The following TNNI3K variants were observed in gnomAD, a reference collection of about 807,000 sequenced individuals.
The protein encoded by TNNI3K is serine/threonine-protein kinase TNNI3K.
In TNNI3K, 140 loss-of-function variants were observed where a neutral mutation model predicts 114.5. That is an observed-to-expected ratio of 1.22 (90% CI 1.07 to 1.41). The LOEUF (loss-of-function observed/expected upper bound fraction) is 1.41, where lower values mean the gene tolerates loss of function less well. TNNI3K is among the 40% of genes most tolerant of loss of function. The pLI is 0.00. For missense variants in TNNI3K, 1,125 were observed against 1,007.6 expected (o/e 1.12, Z -1.58); for synonymous variants, 347 against 347.5 (o/e 1.00, Z 0.02).
At chr1:74,242,104 C>A (rs1025977950) in intron 2 of TNNI3K, among the ~76,000 whole-genome samples, 1 of 152,072 alleles carries the variant, frequency 6.6e-6, no homozygotes. Context: ...CCACCTTGGC[C>A]TCCCAAAGTG....
intron 5 of TNNI3K, among the ~76,000 whole-genome samples, chr1:74,315,083 C>T (rs1035413806): frequency 6.6e-6 from 1 of 152,080 alleles, no homozygotes; most frequent in Non-Finnish European, 1.5e-5. Flanking sequence ...CTCTTTGTTA[C>T]GTGAATGCTG....
At chr1:74,405,937 A>T (rs1013632003) in intron 17 of TNNI3K, among the ~76,000 whole-genome samples, 1 of 152,206 alleles carries the variant, frequency 6.6e-6, no homozygotes, top group African/African-American at 2.4e-5. Context: ...TTGCTGGTAT[A>T]ACAAATAACC....
At chr1:74,472,418 G>A (rs931786127) in intron 21 of TNNI3K, among the ~76,000 whole-genome samples, 1 of 152,098 alleles carries the variant, frequency 6.6e-6, no homozygotes, top group Non-Finnish European at 1.5e-5. Context: ...AGTCAGTTGC[G>A]ATGCTGACTT....
chr1:74,288,876 C>T (rs1420840848), intron 5 of TNNI3K, among the ~76,000 whole-genome samples: 2 of 151,766 alleles, frequency 1.3e-5, no homozygotes, highest in African/African-American at 4.8e-5. Flanking sequence ...TCATGTTGCA[C>T]AAAATAAATA....
chr1:74,407,132 T>C (rs1229173519), intron 17 of TNNI3K, among the ~76,000 whole-genome samples: 5 of 152,206 alleles, frequency 3.3e-5, no homozygotes, highest in Admixed American at 2.6e-4. Context: ...GTACAATCAG[T>C]GAAGATTATT....
chr1:74,543,812 T>A (rs1365491308), intron 24 of TNNI3K, 94 bp from the exon 25 acceptor site: 1 of 1,412,692 alleles, frequency 7.1e-7, no homozygotes, highest in African/African-American at 1.4e-5. Context: ...GTTCACATGA[T>A]CTGGAAGACC....
intron 23 of TNNI3K, among the ~76,000 whole-genome samples, chr1:74,505,087 C>G (rs1669825628): frequency 6.6e-6 from 1 of 152,154 alleles, no homozygotes; most frequent in African/African-American, 2.4e-5. Flanking sequence ...GAGAAACCCT[C>G]TCCATTCATA....
intron 17 of TNNI3K, among the ~76,000 whole-genome samples, chr1:74,407,236 C>T (rs1395846957): frequency 2.6e-5 from 4 of 152,084 alleles, no homozygotes; most frequent in Admixed American, 6.6e-5. Flanking sequence ...GGAAGTCTAC[C>T]AGGGGCTTCT....
chr1:74,541,293 C>G (rs1419219339), intron 24 of TNNI3K, among the ~76,000 whole-genome samples: 3 of 152,036 alleles, frequency 2.0e-5, no homozygotes, highest in African/African-American at 4.8e-5. Flanking sequence ...TTTTAAGAAA[C>G]AAAGAAAAAT....
chr1:74,532,454 A>C (rs966224483), intron 23 of TNNI3K, among the ~76,000 whole-genome samples: 1 of 109,660 alleles, frequency 9.1e-6, no homozygotes, highest in African/African-American at 4.3e-5. Context: ...TGCTATTATT[A>C]TTTTTTTCTT....
intron 21 of TNNI3K, chr1:74,464,636 C>A (rs1254824376): frequency 6.3e-7 from 1 of 1,579,194 alleles, no homozygotes; most frequent in Non-Finnish European, 8.6e-7. Context: ...TTCCTAAAGG[C>A]AAAATCCAGA....
intron 17 of TNNI3K, among the ~76,000 whole-genome samples, chr1:74,414,670 T>C (rs1458626008): frequency 6.6e-6 from 1 of 152,206 alleles, no homozygotes; most frequent in African/African-American, 2.4e-5. Flanking sequence ...CTTGAAAGCT[T>C]ATAAGAAAGA....
intron 17 of TNNI3K, among the ~76,000 whole-genome samples, chr1:74,414,944 T>C (rs1478389554): frequency 6.6e-6 from 1 of 152,190 alleles, no homozygotes; most frequent in South Asian, 2.1e-4. Context: ...ATTATGTTAC[T>C]CCTACACTCA....
chr1:74,451,120 A>G (rs573610405), intron 20 of TNNI3K, among the ~76,000 whole-genome samples: 46 of 152,322 alleles, frequency 3.0e-4, no homozygotes, highest in African/African-American at 7.7e-4. Context: ...GCTGGAAGCC[A>G]TTATCCTCAG....
At chr1:74,396,995 G>A (rs893126028) in intron 17 of TNNI3K, among the ~76,000 whole-genome samples, 43 of 152,298 alleles carry the variant, frequency 2.8e-4, no homozygotes, top group African/African-American at 9.6e-4. Flanking sequence ...GAAGGTTTTT[G>A]TAAGGAGAGA....
rs139415388 is a variant in TNNI3K, at chr1:74,432,330, A to T, written c.1773-3750A>T. On this transcript the variant is annotated intron_variant, in intron 17 of 24. Coordinates refer to ENST00000326637, the MANE Select transcript of TNNI3K (RefSeq NM_015978.3). ...ATGAATATGCTCTGCAATATCATAT[A>T]TAACAGAAGACTGCCTTTCTCTCAA... Among the ~76,000 whole-genome samples the T allele has an allele frequency of 9.2e-3, 1,395 of 152,262 alleles. 23 individuals are homozygous for T. The highest frequency in any genetic ancestry group is 0.024 in the Middle Eastern group (7 of 294).
At chr1:74,484,235 A>G (rs1668643336) in intron 21 of TNNI3K, among the ~76,000 whole-genome samples, 1 of 151,786 alleles carries the variant, frequency 6.6e-6, no homozygotes, top group Non-Finnish European at 1.5e-5. Flanking sequence ...ACAAGGAGCA[A>G]ATTATAATAA....
chr1:74,306,112 G>T (rs1250370311), intron 5 of TNNI3K, among the ~76,000 whole-genome samples: 1 of 152,068 alleles, frequency 6.6e-6, no homozygotes, highest in African/African-American at 2.4e-5. Context: ...TGGAGTATTT[G>T]ATTTTTTGTT....
rs772458448 is a variant in TNNI3K, at chr1:74,439,452, A to G, written c.1879-38A>G. The G allele has an allele frequency of 3.7e-6, 6 of 1,600,190 alleles. No individual in the cohort carries two copies. In the African/African-American group the frequency reaches 4.0e-5, roughly 11 times the overall value. On this transcript the variant is annotated intron_variant, in intron 19 of 24. Transcript: ENST00000326637. ...CTACTCTGCAGTGGAAGAACCAAAC[A>G]CTTGGTAAATGGCTTGTGGATGTTT...
Sources: allele counts gnomAD v4.1 joint callset (sites outside exome capture counted in the v4.1 genomes callset), GRCh38; gene constraint gnomAD v4.1.1; transcripts MANE v1.5; gene names NCBI Gene and HGNC (gene_info 2026-07-23, HGNC 2026-07-21).